PLCB1: variants seen among roughly 807,000 people sequenced by gnomAD.
PLCB1 encodes 1-phosphatidylinositol 4,5-bisphosphate phosphodiesterase beta-1.
Under a neutral mutation model 161.8 loss-of-function variants are expected in PLCB1, and 46 were observed. That is an observed-to-expected ratio of 0.28 (90% CI 0.22 to 0.36). The LOEUF is 0.36. PLCB1 is among the 10% of genes least tolerant of loss of function. PLCB1 has a pLI of 1.00. For synonymous variants in PLCB1, 517 were observed against 503.7 expected (o/e 1.03, Z -0.35); for missense variants, 1,016 against 1,472.5 (o/e 0.69, Z 5.07).
At chr20:8,361,979 T>A (rs1204329606) in intron 2 of PLCB1, among the ~76,000 whole-genome samples, 1 of 152,232 alleles carries the variant, frequency 6.6e-6, no homozygotes, top group East Asian at 1.9e-4. Context: ...CTAGTTAATC[T>A]GATTAGTCTG....
intron 2 of PLCB1, among the ~76,000 whole-genome samples, chr20:8,367,619 A>T (rs1473663772): frequency 2.6e-5 from 4 of 152,010 alleles, no homozygotes. Flanking sequence ...TGCAATATAC[A>T]CTCTGTAGTC....
chr20:8,209,024 A>G (rs1448689488), intron 2 of PLCB1, among the ~76,000 whole-genome samples: 1 of 152,140 alleles, frequency 6.6e-6, no homozygotes, highest in Non-Finnish European at 1.5e-5. Context: ...GTTTCTAAAA[A>G]TGCTTTGCAG....
chr20:8,187,891 T>C (rs2051923444), intron 2 of PLCB1, among the ~76,000 whole-genome samples: 1 of 152,126 alleles, frequency 6.6e-6, no homozygotes, highest in Admixed American at 6.5e-5. Context: ...TACATATATG[T>C]ATGTTAAAAC....
intron 11 of PLCB1, among the ~76,000 whole-genome samples, chr20:8,701,662 G>T (rs1386034247): frequency 1.3e-5 from 2 of 152,138 alleles, no homozygotes; most frequent in Non-Finnish European, 2.9e-5. Flanking sequence ...AGGGCTCTTT[G>T]TTCTGTTCCC....
chr20:8,174,226 A>G (rs1256691640), intron 2 of PLCB1, among the ~76,000 whole-genome samples: 1 of 152,230 alleles, frequency 6.6e-6, no homozygotes, highest in African/African-American at 2.4e-5. Flanking sequence ...AAGGAAAAAA[A>G]TCTTCAAAGC....
At chr20:8,827,466 G>T (rs1985760491) in intron 31 of PLCB1, among the ~76,000 whole-genome samples, 1 of 152,218 alleles carries the variant, frequency 6.6e-6, no homozygotes, top group African/African-American at 2.4e-5. Flanking sequence ...TAATAGGAAA[G>T]AAAATTATGG....
At chr20:8,681,115 T>TATATAA (rs1555782805) in intron 9 of PLCB1, among the ~76,000 whole-genome samples, 7 of 103,902 alleles carry the variant, frequency 6.7e-5, no homozygotes, top group Admixed American at 1.8e-4. Flanking sequence ...TATATATATA[T>TATATAA]ATATAATATA....
intron 2 of PLCB1, among the ~76,000 whole-genome samples, chr20:8,236,665 C>T (rs183650668): frequency 7.2e-4 from 109 of 152,076 alleles, no homozygotes; most frequent in Non-Finnish European, 8.8e-5. Context: ...TTTAAAAATA[C>T]TTCTACACAA....
chr20:8,426,317 T>G (rs1979769311), intron 3 of PLCB1, among the ~76,000 whole-genome samples: 2 of 152,206 alleles, frequency 1.3e-5, no homozygotes, highest in African/African-American at 4.8e-5. Flanking sequence ...CCAGTGGTAT[T>G]TCAGAGAATA....
At chr20:8,162,331 G>A (rs957487578) in intron 2 of PLCB1, among the ~76,000 whole-genome samples, 4 of 152,122 alleles carry the variant, frequency 2.6e-5, no homozygotes, top group Admixed American at 6.5e-5. Flanking sequence ...TTTTAAGAAT[G>A]ACCTTATATA....
chr20:8,470,705 T>G (rs1046644788), intron 3 of PLCB1, among the ~76,000 whole-genome samples: 2 of 152,152 alleles, frequency 1.3e-5, no homozygotes, highest in Non-Finnish European at 2.9e-5. Flanking sequence ...ACTCTTTAGT[T>G]TTTTAGAAAT....
intron 3 of PLCB1, among the ~76,000 whole-genome samples, chr20:8,526,176 A>G (rs1984578657): frequency 6.6e-6 from 1 of 152,048 alleles, no homozygotes; most frequent in Middle Eastern, 3.4e-3. Flanking sequence ...CTTCCTTGAT[A>G]CTCTAATTTT....
intron 2 of PLCB1, among the ~76,000 whole-genome samples, chr20:8,313,480 A>G (rs986346118): frequency 5.3e-5 from 8 of 152,220 alleles, no homozygotes; most frequent in Non-Finnish European, 7.3e-5. Flanking sequence ...CTAAGATCTT[A>G]TTGACTAAAG....
In PLCB1 at chr20:8,541,605, A is replaced by AAAGAAAGAAAGG. The variant is rs796318352; in HGVS notation, c.247-86686_247-86685insAAAGAAAGGAAG. Reference sequence around the variant, plus strand: ...GAAAGAAAGAAAGAAAGAAAGAAAGAAAGGAAGGAAGATAGTAATGAAATG... The same window carrying AAAGAAAGAAAGG: ...GAAAGAAAGAAAGAAAGAAAGAAAGAAAGAAAGAAAGGAAGGAAGGAAGATAGTAATGAAATG... On this transcript the variant is annotated intron_variant, in intron 3 of 31. Transcript: ENST00000338037. 2.6e-3 allele frequency among the ~76,000 whole-genome samples: 390 copies of AAAGAAAGAAAGG among 149,904 alleles called. 2 individuals are homozygous for AAAGAAAGAAAGG. Among genetic ancestry groups the AAAGAAAGAAAGG allele is most frequent in the Middle Eastern group, 0.01 (3 of 290 alleles).
intron 2 of PLCB1, among the ~76,000 whole-genome samples, chr20:8,175,317 C>T (rs1419013983): frequency 2.0e-5 from 3 of 151,832 alleles, no homozygotes; most frequent in Non-Finnish European, 4.4e-5. Context: ...AAGGTAAAAG[C>T]AAAGAGAACC....
intron 3 of PLCB1, among the ~76,000 whole-genome samples, chr20:8,605,251 G>T (rs1220972608): frequency 2.6e-5 from 4 of 151,952 alleles, no homozygotes; most frequent in African/African-American, 7.2e-5. Context: ...ATAACAAACA[G>T]CATATTCCAT....
chr20:8,800,895 T>C (rs1447800541), intron 31 of PLCB1, among the ~76,000 whole-genome samples: 2 of 152,142 alleles, frequency 1.3e-5, no homozygotes, highest in Admixed American at 1.3e-4. Flanking sequence ...GCAATCACTT[T>C]AGTCAAAGCC....
chr20:8,281,729 T>C (rs1438374256), intron 2 of PLCB1, among the ~76,000 whole-genome samples: 2 of 152,138 alleles, frequency 1.3e-5, no homozygotes, highest in Non-Finnish European at 2.9e-5. Context: ...GACACACTTA[T>C]CATTCAACAC....
intron 31 of PLCB1, among the ~76,000 whole-genome samples, chr20:8,809,073 T>C (rs1984682641): frequency 6.6e-6 from 1 of 152,172 alleles, no homozygotes; most frequent in Admixed American, 6.5e-5. Context: ...CATGGCTCAC[T>C]GCAGCCTCAA....
Sources: gnomAD v4.1 joint callset for allele counts (sites outside exome capture counted in the v4.1 genomes callset) on GRCh38, gnomAD v4.1.1 for gene constraint, MANE v1.5 for transcripts, NCBI Gene and HGNC (gene_info 2026-07-23, HGNC 2026-07-21) for gene names.